The following SLC35G1 variants were observed in gnomAD, a reference collection of about 807,000 sequenced individuals.
The protein encoded by SLC35G1 is solute carrier family 35 member G1.
Under a neutral mutation model 17.1 loss-of-function variants are expected in SLC35G1, and 10 were observed. That is an observed-to-expected ratio of 0.59 (90% confidence interval 0.36 to 0.99). The LOEUF (loss-of-function observed/expected upper bound fraction) is 0.99. Among genes scored for constraint, SLC35G1 ranks in the 50% least tolerant of loss-of-function variants. The probability of loss-of-function intolerance (pLI) is 0.01; values close to 1 mark genes in which losing one functional copy is unlikely to be tolerated. For missense variants in SLC35G1, 433 were observed against 468.4 expected (o/e 0.92, Z 0.70); for synonymous variants, 185 against 181.1 (o/e 1.02, Z -0.18).
chr10:93,896,563 T>C (rs980949254), intron 1 of SLC35G1, among the ~76,000 whole-genome samples: 3 of 152,174 alleles, frequency 2.0e-5, no homozygotes, highest in Non-Finnish European at 4.4e-5. Flanking sequence ...TTGAAATGAT[T>C]TAGTAAGAAA....
In SLC35G1 at chr10:93,901,218, T is replaced by G. The variant is rs187391743; in HGVS notation, c.826T>G (p.Trp276Gly). 6.2e-7 allele frequency: 1 copy of G among 1,613,870 alleles called. No homozygotes were observed. The highest frequency in any genetic ancestry group is 8.5e-7 in the Non-Finnish European group (1 of 1,179,922). ...SVIILSVLGEWSLPYCGLDRL... is the reference protein window; with the variant it reads ...SVIILSVLGEGSLPYCGLDRL... ...CATCATCCTCTCTGTATTAGGAGAGTGGAGTCTGCCTTACTGTGGGTTGGA... is the reference window on the plus strand; with the variant it reads ...CATCATCCTCTCTGTATTAGGAGAGGGGAGTCTGCCTTACTGTGGGTTGGA... Residue 276 changes from tryptophan to glycine, a missense_variant, in exon 3 of 3, where the codon TGG (tryptophan) becomes GGG (glycine). Coordinates refer to ENST00000427197, the MANE Select transcript of SLC35G1 (RefSeq NM_001134658.3).
In SLC35G1 at chr10:93,902,026, C is replaced by T. The variant is rs1043418462; in HGVS notation, c.*536C>T. On this transcript the variant is annotated 3_prime_UTR_variant, in exon 3 of 3. Coordinates refer to ENST00000427197, the MANE Select transcript of SLC35G1 (RefSeq NM_001134658.3). Reference sequence around the variant, plus strand: ...AGTTGAAGCTTAGAATAGGTGCCTGCTTAATGGTGTTAATAATACAAATGA... The same window carrying T: ...AGTTGAAGCTTAGAATAGGTGCCTGTTTAATGGTGTTAATAATACAAATGA... 2 of 152,502 alleles carry T rather than the reference C, an allele frequency of 1.3e-5. No homozygotes were observed. Among genetic ancestry groups the T allele is most frequent in the Non-Finnish European group, 2.9e-5 (2 of 68,014 alleles). The allele number at this position is 152,502 out of a possible 1,614,324, so 9.4% of individuals were successfully genotyped here.
intron 2 of SLC35G1, among the ~76,000 whole-genome samples, chr10:93,899,861 G>A (rs932137370): frequency 6.6e-6 from 1 of 152,174 alleles, no homozygotes; most frequent in African/African-American, 2.4e-5. Flanking sequence ...CTGGAAGAAT[G>A]TTGTTAAAAT....
At chr10:93,894,542 C>T (rs2060311667) in intron 1 of SLC35G1, among the ~76,000 whole-genome samples, 1 of 151,940 alleles carries the variant, frequency 6.6e-6, no homozygotes, top group Admixed American at 6.6e-5. Context: ...GGGGGGTCAG[C>T]GAGAGAGGCC....
At chr10:93,907,547 G>C (rs1370095473), downstream of SLC35G1, 1 of 152,170 alleles carries the variant, frequency 6.6e-6, no homozygotes, top group Non-Finnish European at 1.5e-5. Context: ...AGAAGAGCAA[G>C]GAAGCTTTCC....
At position 93,901,263 on chromosome 10, in the gene SLC35G1, A is replaced by G. The variant is rs1182836664; in HGVS notation, c.871A>G (p.Ile291Val). Residue 291 changes from isoleucine to valine, a missense_variant, in exon 3 of 3, where the codon ATT becomes GTT. By Grantham distance (29) the Ile-to-Val change is conservative (BLOSUM62 3). Transcript: ENST00000427197. ...GTTGGACAGGCTATTTCTCATATTC[A>G]TTGGGCTCTTTGGTTTGGGGGGTCA... The part of the protein sequence containing the change: ...CGLDRLFLIF[I>V]GLFGLGGQIF... 1.2e-6 allele frequency: 2 copies of G among 1,613,870 alleles called. No individual in the cohort carries two copies. The highest frequency in any genetic ancestry group is 2.2e-5 in the East Asian group (1 of 44,862).
intron 2 of SLC35G1, 149 bp downstream of exon 2, chr10:93,898,900 A>G (rs2060356291): frequency 1.1e-5 from 8 of 724,996 alleles, no homozygotes; most frequent in Non-Finnish European, 1.7e-5. Flanking sequence ...AGTCATAAGC[A>G]TCTACCCACA....
At chr10:93,908,666 C>G (rs973626849), downstream of SLC35G1, 6 of 152,182 alleles carry the variant, frequency 3.9e-5, no homozygotes, top group Non-Finnish European at 7.3e-5. Flanking sequence ...CATAAACAAT[C>G]CTAGCCAATG....
chr10:93,906,124 T>G (rs1160284818), downstream of SLC35G1: 2 of 152,230 alleles, frequency 1.3e-5, no homozygotes, highest in African/African-American at 4.8e-5. Flanking sequence ...ATAATACAAC[T>G]ATATTTGATT....
At chr10:93,904,265 T>A (rs551119742), downstream of SLC35G1, among the ~76,000 whole-genome samples, 8 of 152,352 alleles carry the variant, frequency 5.3e-5, no homozygotes, top group African/African-American at 1.4e-4. Flanking sequence ...ACTGGTTACC[T>A]GCTTCAAGAC....
chr10:93,898,662 A>G lies in SLC35G1; in HGVS notation c.270A>G (p.Lys90=). ...TCTCAGTGGGCTCTTTATTTGTTAA[A>G]AAAGTGCAAGACGTCCATGCTGTAG... ...FLFSVGSLFV[K]KVQDVHAVEI... Residue 90 remains lysine, a synonymous_variant, in exon 2 of 3, where the codon AAA becomes AAG. Coordinates refer to ENST00000427197, the MANE Select transcript of SLC35G1 (RefSeq NM_001134658.3). 1 of 1,614,056 alleles carries G rather than the reference A, an allele frequency of 6.2e-7. No individual in the cohort carries two copies. The highest frequency in any genetic ancestry group is 8.5e-7 in the Non-Finnish European group (1 of 1,179,954).
In SLC35G1 at chr10:93,901,644, T is replaced by A; in HGVS notation, c.*154T>A. 1 of 846,494 alleles carries A rather than the reference T, an allele frequency of 1.2e-6. No individual in the cohort carries two copies. Among genetic ancestry groups the A allele is most frequent in the Non-Finnish European group, 1.7e-6 (1 of 603,830 alleles). 52.4% of individuals were successfully genotyped at this position (846,494 alleles called of 1,614,324 possible). A position where few individuals can be genotyped will look rare whatever the true frequency, so the allele number is the denominator to read the frequency against. On this transcript the variant is annotated 3_prime_UTR_variant, in exon 3 of 3. Transcript: ENST00000427197. ...TTTTTGAATATAGTATGTCTTTAGT[T>A]AAGAATAGCTAGTCTGTTTGGTGTA...
At chr10:93,907,625 A>G (rs1199766238), downstream of SLC35G1, 1 of 152,226 alleles carries the variant, frequency 6.6e-6, no homozygotes, top group Non-Finnish European at 1.5e-5. Context: ...ATGGTTGAGT[A>G]TGTGCTCATT....
exon 3 of SLC35G1, chr10:93,909,302 T>A (rs1190998259): frequency 6.6e-6 from 1 of 152,084 alleles, no homozygotes; most frequent in Non-Finnish European, 1.5e-5. Flanking sequence ...CCCTGGTCTG[T>A]CCAACTACAA....
Position 93,902,794 on chromosome 10 carries a change from C to T in SLC35G1, c.*1304C>T, listed in dbSNP as rs1368590009. On this transcript the variant is annotated 3_prime_UTR_variant, in exon 3 of 3. Transcript: ENST00000427197. ...CCATGATGCAGCACCATGACACTAA[C>T]GCCATGAATTCAAACAGCACGTTTT... The T allele has an allele frequency of 2.6e-5, 4 of 152,584 alleles. No homozygotes were observed. The highest frequency in any genetic ancestry group is 2.1e-4 in the South Asian group (1 of 4,832). 9.5% of individuals were successfully genotyped at this position (152,584 alleles called of 1,614,324 possible). A position where few individuals can be genotyped will look rare whatever the true frequency, so the allele number is the denominator to read the frequency against.
In SLC35G1 at chr10:93,901,505, A is replaced by ATG; in HGVS notation, c.*15_*16insTG. ...GTTCCAAATGAAGCATCATTGCTGA[A>ATG]ATACATATTTTTTTCAAGTACACCA... On this transcript the variant is annotated 3_prime_UTR_variant, in exon 3 of 3. Transcript: ENST00000427197. 6.4e-7 allele frequency: 1 copy of ATG among 1,565,116 alleles called. No individual in the cohort carries two copies.
exon 3 of SLC35G1, chr10:93,908,844 TAC>T (rs1183488133): frequency 6.6e-6 from 1 of 152,150 alleles, no homozygotes; most frequent in East Asian, 1.9e-4. Context: ...AATGGAGCTA[TAC>T]ACAGTCATCT....
At chr10:93,899,048 C>G (rs1413764457) in intron 2 of SLC35G1, among the ~76,000 whole-genome samples, 1 of 152,094 alleles carries the variant, frequency 6.6e-6, no homozygotes, top group Non-Finnish European at 1.5e-5. Flanking sequence ...CCCTTCTTTC[C>G]TTTGGCATAA....
Position 93,894,199 on chromosome 10 carries a change from C to G in SLC35G1, c.166C>G (p.Arg56Gly), listed in dbSNP as rs1165355886. 5 of 1,404,882 alleles carry G rather than the reference C, an allele frequency of 3.6e-6. No homozygotes were observed. The highest frequency in any genetic ancestry group is 4.6e-6 in the Non-Finnish European group (5 of 1,082,616). The allele number at this position is 1,404,882 out of a possible 1,614,324, so 87.0% of individuals were successfully genotyped here. The change falls in exon 1 of 3, where the codon CGC becomes GGC. Residue 56 changes from arginine (R) to glycine (G), a missense_variant. Transcript: ENST00000427197. ...CTGCCTTTCCTCGCCGTGTTGCTCC[C>G]GCACCGAGCCGGGTGAGTGCGCGGT... The part of the protein sequence containing the change: ...WLCLSSPCCS[R>G]TEPEAKKKAP...
Sources: allele counts gnomAD v4.1 joint callset (sites outside exome capture counted in the v4.1 genomes callset), GRCh38; gene constraint gnomAD v4.1.1; transcripts MANE v1.5; gene names NCBI Gene and HGNC (gene_info 2026-07-23, HGNC 2026-07-21).